Variants in VPS53 observed in about 807,000 individuals in gnomAD.
VPS53 encodes the protein vacuolar protein sorting-associated protein 53 homolog.
A neutral mutation model predicts 107.0 loss-of-function variants in VPS53; 70 were observed. The observed-to-expected ratio is 0.65, with a 90% CI of 0.54 to 0.80. VPS53 has a LOEUF of 0.80. Among genes scored for constraint, VPS53 ranks in the 30% least tolerant of loss-of-function variants. The pLI is 0.00. For missense variants in VPS53, 917 were observed against 1,049.4 expected, an observed-to-expected ratio of 0.87 and a Z score of 1.74; for synonymous variants, 409 against 393.3, an observed-to-expected ratio of 1.04 and a Z score of -0.47.
intron 1 of VPS53, among the ~76,000 whole-genome samples, chr17:712,414 C>CAG (rs1056872642): frequency 3.4e-5 from 5 of 147,366 alleles, no homozygotes; most frequent in African/African-American, 5.0e-5. Flanking sequence ...CTCCTGACAT[C>CAG]GTGATCCACC....
chr17:589,940 G>A (rs1967550915), intron 12 of VPS53, among the ~76,000 whole-genome samples: 2 of 151,898 alleles, frequency 1.3e-5, no homozygotes, highest in Admixed American at 6.6e-5. Flanking sequence ...TGATGGGGAT[G>A]GCATTGAATC....
chr17:522,114 C>T (rs907277220), intron 19 of VPS53, among the ~76,000 whole-genome samples: 3 of 151,874 alleles, frequency 2.0e-5, no homozygotes, highest in Non-Finnish European at 2.9e-5. Flanking sequence ...ATTAGCCAGG[C>T]GTGGGGGTGC....
chr17:571,805 G>C (rs370324550), intron 13 of VPS53, among the ~76,000 whole-genome samples: 2 of 152,216 alleles, frequency 1.3e-5, no homozygotes, highest in Non-Finnish European at 2.9e-5. Context: ...TCGGCCTCCC[G>C]AGGTGCCGGG....
Position 551,790 on chromosome 17 carries a change from G to A in VPS53, c.1866+82C>T, listed in dbSNP as rs1345307720. ...GATCCTTTACGCTCCGATGAGCCTG[G>A]AGAAGCTACAGACAAGGGCCAGTAG... On this transcript the variant is annotated intron_variant, in intron 17 of 21. Coordinates refer to ENST00000437048, the MANE Select transcript of VPS53 (RefSeq NM_001128159.3). The A allele has an allele frequency of 2.4e-6, 3 of 1,258,086 alleles. No individual in the cohort carries two copies. The South Asian group carries it at 4.6e-5, about 19-fold the overall frequency. 77.9% of individuals were successfully genotyped at this position (1,258,086 alleles called of 1,614,324 possible).
chr17:690,724 C>T (rs572199531), intron 4 of VPS53, among the ~76,000 whole-genome samples: 100 of 152,106 alleles, frequency 6.6e-4, no homozygotes, highest in Non-Finnish European at 1.3e-3. Flanking sequence ...AGAATAGTGT[C>T]TAAAATAAAA....
At chr17:623,050 G>A (rs374252843) in intron 11 of VPS53, among the ~76,000 whole-genome samples, 63 of 152,082 alleles carry the variant, frequency 4.1e-4, no homozygotes, top group African/African-American at 1.5e-3. Flanking sequence ...AGAGACAAAC[G>A]TTTAACCGGC....
At chr17:634,364 A>AT (rs1011158932) in intron 7 of VPS53, among the ~76,000 whole-genome samples, 9 of 151,792 alleles carry the variant, frequency 5.9e-5, no homozygotes, top group African/African-American at 9.7e-5. Context: ...CTTCATTTTC[A>AT]TTTTTTTACA....
intron 13 of VPS53, among the ~76,000 whole-genome samples, chr17:577,661 C>T (rs948372199): frequency 4.0e-5 from 6 of 151,646 alleles, no homozygotes; most frequent in Admixed American, 2.0e-4. Flanking sequence ...TAATGCATTT[C>T]GAGGCAACCT....
intron 2 of VPS53, among the ~76,000 whole-genome samples, chr17:707,520 C>CA (rs59159505): frequency 3.5e-4 from 33 of 95,376 alleles, no homozygotes; most frequent in African/African-American, 8.2e-4. Context: ...GACTTTGTCT[C>CA]AAAAAAAAAA....
intron 13 of VPS53, among the ~76,000 whole-genome samples, chr17:585,653 G>C (rs895876037): frequency 2.6e-5 from 4 of 152,038 alleles, no homozygotes; most frequent in Non-Finnish European, 5.9e-5. Context: ...AAAAAGGAGG[G>C]GAGGGGAGGG....
chr17:519,629 A>G lies in VPS53; in HGVS notation c.2328+197T>C, dbSNP rs1908569401. Among the ~76,000 whole-genome samples the G allele has an allele frequency of 6.6e-6, 1 of 152,164 alleles. No individual in the cohort carries two copies. Among genetic ancestry groups the G allele is most frequent in the South Asian group, 2.1e-4 (1 of 4,830 alleles). ...TGCAGGTGGTCTCAGCGGGGCATGC[A>G]GGGCCTGTCAGAATCCTGAAGTGCA... is the stretch of plus-strand genomic sequence containing the variant. On this transcript the variant is annotated intron_variant, in intron 21 of 21. Coordinates refer to ENST00000437048, the MANE Select transcript of VPS53 (RefSeq NM_001128159.3). The surrounding 1 kb of genome is among the most constrained non-coding windows in gnomAD (Gnocchi z 5.0).
At chr17:632,263 A>G (rs950591769) in intron 7 of VPS53, among the ~76,000 whole-genome samples, 6 of 152,066 alleles carry the variant, frequency 3.9e-5, no homozygotes, top group African/African-American at 1.5e-4. Context: ...CAAAACACTA[A>G]CAAACAACAA....
In VPS53 at chr17:571,567, T is replaced by C. The variant is rs572989256; in HGVS notation, c.1314-8822A>G. Among the ~76,000 whole-genome samples, 15 of 117,904 alleles carry C rather than the reference T, an allele frequency of 1.3e-4. 1 individual carries two copies. Among genetic ancestry groups the C allele is most frequent in the African/African-American group, 4.2e-4 (15 of 35,768 alleles). The allele number at this position is 117,904 out of a possible 152,430, so 77.3% of individuals were successfully genotyped here. On this transcript the variant is annotated intron_variant, in intron 13 of 21. Coordinates refer to ENST00000437048, the MANE Select transcript of VPS53 (RefSeq NM_001128159.3). ...TCCCCACGGTCTCCCTCTCCCTCTCTTTCCACGGTCTCCCTCTGATGCCGA... is the reference window on the plus strand; with the variant it reads ...TCCCCACGGTCTCCCTCTCCCTCTCCTTCCACGGTCTCCCTCTGATGCCGA...
At chr17:621,478 A>ATT (rs369914985) in intron 11 of VPS53, among the ~76,000 whole-genome samples, 8 of 152,228 alleles carry the variant, frequency 5.3e-5, no homozygotes, top group African/African-American at 1.7e-4. Context: ...GGACATGCAT[A>ATT]TTTACATTTC....
At position 509,040 on chromosome 17, in the gene VPS53, AGGCTG is replaced by A. The variant is rs1907763573; in HGVS notation, c.*10083_*10087del. On this transcript the variant is annotated 3_prime_UTR_variant, in exon 22 of 22. Transcript: ENST00000437048. ...ACAAAAGGCATGGATGTTGGAATGA[AGGCTG>A]GAGCCAAATCCTGGCTCGCCCCCTT... 1 of 152,282 alleles carries A rather than the reference AGGCTG, an allele frequency of 6.6e-6. No homozygotes were observed. The highest frequency in any genetic ancestry group is 1.5e-5 in the Non-Finnish European group (1 of 68,130). 9.4% of individuals were successfully genotyped at this position (152,282 alleles called of 1,614,324 possible).
At chr17:578,137 A>G (rs571138023) in intron 13 of VPS53, among the ~76,000 whole-genome samples, 4 of 151,284 alleles carry the variant, frequency 2.6e-5, no homozygotes, top group Non-Finnish European at 4.4e-5. Flanking sequence ...TAAGCAGGTA[A>G]TTCTTTCCCA....
intron 1 of VPS53, among the ~76,000 whole-genome samples, chr17:712,285 G>T (rs998292610): frequency 9.5e-5 from 14 of 147,790 alleles, no homozygotes; most frequent in Admixed American, 8.3e-4. Flanking sequence ...GGTTCAAGCA[G>T]TTCTTTGCCT....
chr17:708,552 A>C (rs1973504222), intron 2 of VPS53, among the ~76,000 whole-genome samples: 1 of 152,158 alleles, frequency 6.6e-6, no homozygotes, highest in African/African-American at 2.4e-5. Flanking sequence ...CCTCCGGATG[A>C]CTGTGGGCAG....
At chr17:547,138 A>G (rs1911276345) in intron 17 of VPS53, among the ~76,000 whole-genome samples, 4 of 152,064 alleles carry the variant, frequency 2.6e-5, no homozygotes, top group African/African-American at 4.8e-5. Context: ...CGGCCTCCCA[A>G]CGTGCTGGGA....
Sources: gnomAD v4.1 joint callset for allele counts (sites outside exome capture counted in the v4.1 genomes callset) on GRCh38, gnomAD v4.1.1 for gene constraint, Gnocchi (gnomAD v3.1) non-coding constraint, MANE v1.5 for transcripts, NCBI Gene and HGNC (gene_info 2026-07-23, HGNC 2026-07-21) for gene names.